Variants in RNF212B observed in about 807,000 individuals in gnomAD.
The protein encoded by RNF212B is ring finger protein 212B, also known as E3 ubiquitin-protein ligase RNF212B.
In RNF212B, 52 loss-of-function variants were observed where a neutral mutation model predicts 55.5. The ratio of observed to expected loss-of-function variants is 0.94; its 90% CI spans 0.75 to 1.18. The LOEUF (loss-of-function observed/expected upper bound fraction) is 1.18, where lower values mean the gene tolerates loss of function less well. Among genes scored for constraint, RNF212B ranks in the 50% most tolerant of loss-of-function variants. The pLI, the probability that RNF212B is intolerant of heterozygous loss-of-function variation, is 0.00. For missense variants in RNF212B, 289 were observed against 350.4 expected, an observed-to-expected ratio of 0.82 and a Z score of 1.40; for synonymous variants, 99 against 121.4, an observed-to-expected ratio of 0.82 and a Z score of 1.21.
chr14:23,271,760 C>T (rs966568387), intron 14 of RNF212B, among the ~76,000 whole-genome samples: 5 of 151,868 alleles, frequency 3.3e-5, no homozygotes, highest in Admixed American at 6.6e-5. Flanking sequence ...CTCTATAAAC[C>T]GTCTACAAAT....
chr14:23,269,824 G>T (rs1489827491), intron 12 of RNF212B, 39 bp from the exon 13 acceptor site: 2 of 1,156,574 alleles, frequency 1.7e-6, no homozygotes, highest in Admixed American at 2.0e-5. Flanking sequence ...ACCTTTACCT[G>T]TCCTTTTCTC....
chr14:23,248,303 T>A (rs74604409), intron 4 of RNF212B, among the ~76,000 whole-genome samples: 1 of 129,348 alleles, frequency 7.7e-6, no homozygotes, highest in Non-Finnish European at 1.8e-5. Flanking sequence ...AGTTTTTGTG[T>A]TTTTTTTTTT....
chr14:23,217,264 GGC>G (rs1881184395), intron 2 of RNF212B, among the ~76,000 whole-genome samples: 1 of 150,654 alleles, frequency 6.6e-6, no homozygotes, highest in African/African-American at 2.4e-5. Context: ...GTGGGGGGGG[GGC>G]TCCTCTGCCT....
intron 4 of RNF212B, 127 bp downstream of exon 4, chr14:23,244,523 G>T: frequency 3.6e-6 from 2 of 563,348 alleles, no homozygotes; most frequent in Non-Finnish European, 6.2e-6. Context: ...TGCTTTCTTT[G>T]CTTTCTTCCT....
intron 2 of RNF212B, among the ~76,000 whole-genome samples, chr14:23,232,230 A>C (rs1274627921): frequency 1.4e-5 from 2 of 145,212 alleles, no homozygotes; most frequent in African/African-American, 5.2e-5. Flanking sequence ...ATCGTCTGAG[A>C]TGTGGGGAGC....
intron 2 of RNF212B, among the ~76,000 whole-genome samples, chr14:23,204,571 C>T (rs758249343): frequency 9.9e-5 from 15 of 152,134 alleles, no homozygotes; most frequent in Non-Finnish European, 2.1e-4. Context: ...TATTCTGTTC[C>T]ATTGGTGTAT....
In RNF212B at chr14:23,230,716, C is replaced by T. The variant is rs528668357; in HGVS notation, c.-1-9629C>T. On this transcript the variant is annotated intron_variant, in intron 2 of 15. Coordinates refer to the RNF212B transcript ENST00000399910. ...CAAATACAAGGTCATGAAGATTTTC[C>T]CCTATATTTTCTTCTAAGAGTTTTA... Among the ~76,000 whole-genome samples, 4 of 150,160 alleles carry T rather than the reference C, an allele frequency of 2.7e-5. No individual in the cohort carries two copies. The East Asian group carries it at 7.8e-4, about 29-fold the overall frequency.
chr14:23,256,001 GT>G, intron 4 of RNF212B, among the ~76,000 whole-genome samples: 1 of 152,202 alleles, frequency 6.6e-6, no homozygotes, highest in Non-Finnish European at 1.5e-5. Context: ...GGAATGATCA[GT>G]TTTTTGGGAC....
intron 2 of RNF212B, among the ~76,000 whole-genome samples, chr14:23,221,233 G>GAAA (rs71119004): frequency 2.6e-5 from 3 of 116,110 alleles, no homozygotes; most frequent in Non-Finnish European, 3.7e-5. Context: ...CTGAAAATAG[G>GAAA]AAAAAAAAAA....
chr14:23,204,142 G>T (rs1431770709), intron 2 of RNF212B, among the ~76,000 whole-genome samples: 7 of 152,212 alleles, frequency 4.6e-5, no homozygotes, highest in Admixed American at 2.6e-4. Context: ...CAGATGGATA[G>T]ATTGTGAAGA....
In RNF212B at chr14:23,247,010, C is replaced by T. The variant is rs541812884; in HGVS notation, c.228+2614C>T. ...AAAAAATTAGCCAGGTGTGGTGGCA[C>T]GTGCCTTTAATCCCAGCTACTCGGG... On this transcript the variant is annotated intron_variant, in intron 4 of 14. Coordinates refer to ENST00000430154, the MANE Select transcript of RNF212B (RefSeq NM_001282322.3). Among the ~76,000 whole-genome samples the T allele has an allele frequency of 7.2e-5, 11 of 152,070 alleles. No individual in the cohort carries two copies. In the South Asian group the frequency reaches 1.5e-3, roughly 20 times the overall value.
intron 2 of RNF212B, among the ~76,000 whole-genome samples, chr14:23,210,994 C>T (rs1433199491): frequency 6.6e-6 from 1 of 151,252 alleles, no homozygotes; most frequent in African/African-American, 2.4e-5. Context: ...CCAAGGTGGA[C>T]AGATCACGAG....
At chr14:23,228,283 A>G (rs1326421360) in intron 2 of RNF212B, among the ~76,000 whole-genome samples, 3 of 151,604 alleles carry the variant, frequency 2.0e-5, no homozygotes, top group Admixed American at 1.3e-4. Context: ...TGATAATAAA[A>G]TTCATTTGGA....
chr14:23,257,972 T>C (rs1884973366), intron 4 of RNF212B, among the ~76,000 whole-genome samples: 1 of 152,174 alleles, frequency 6.6e-6, no homozygotes, highest in Non-Finnish European at 1.5e-5. Flanking sequence ...TTAAAAAAAA[T>C]CTCTCTTCTT....
In RNF212B at chr14:23,226,167, G is replaced by A. The variant is rs1348648498; in HGVS notation, c.-1-14178G>A. Among the ~76,000 whole-genome samples the A allele has an allele frequency of 7.3e-5, 11 of 151,244 alleles. No individual in the cohort carries two copies. The South Asian group carries it at 1.0e-3, about 14-fold the overall frequency. Reference sequence around the variant, plus strand: ...ACAAAAATTAGCAGGGTGTGGTGGCGGGTGCCTGTAATCCCAGTTACTCGG... The same window carrying A: ...ACAAAAATTAGCAGGGTGTGGTGGCAGGTGCCTGTAATCCCAGTTACTCGG... On this transcript the variant is annotated intron_variant, in intron 2 of 15. Transcript: ENST00000399910.
intron 11 of RNF212B, among the ~76,000 whole-genome samples, chr14:23,266,682 A>G (rs568079036): frequency 6.6e-6 from 1 of 152,284 alleles, no homozygotes; most frequent in Non-Finnish European, 1.5e-5. Context: ...AAGTGCTGAG[A>G]TTACAGGCGT....
chr14:23,229,345 T>A (rs550449418), intron 2 of RNF212B, among the ~76,000 whole-genome samples: 1 of 149,432 alleles, frequency 6.7e-6, no homozygotes, highest in Non-Finnish European at 1.5e-5. Flanking sequence ...CTGGTAGGAA[T>A]ATTGGTGTAC....
chr14:23,259,747 A>T (rs1885161841), intron 5 of RNF212B, 137 bp from the exon 6 acceptor site: 2 of 462,264 alleles, frequency 4.3e-6, no homozygotes, highest in African/African-American at 4.1e-5. Context: ...GAATCATCAA[A>T]TCCCTGATAG....
intron 2 of RNF212B, among the ~76,000 whole-genome samples, chr14:23,202,027 G>T (rs1052736628): frequency 2.0e-5 from 3 of 152,074 alleles, no homozygotes; most frequent in Non-Finnish European, 4.4e-5. Context: ...GAGGTGGGTG[G>T]ACTGCTTGAG....
Sources: gnomAD v4.1 joint callset for allele counts (sites outside exome capture counted in the v4.1 genomes callset) on GRCh38, gnomAD v4.1.1 for gene constraint, MANE v1.5 for transcripts, NCBI Gene and HGNC (gene_info 2026-07-23, HGNC 2026-07-21) for gene names.